The following SNX29 variants were observed in gnomAD, a reference collection of about 807,000 sequenced individuals.
The protein encoded by SNX29 is sorting nexin-29.
Under a neutral mutation model 102.1 loss-of-function variants are expected in SNX29, and 78 were observed. That is an observed-to-expected ratio of 0.76 (90% CI 0.64 to 0.92). The LOEUF (loss-of-function observed/expected upper bound fraction) is 0.92, where lower values mean the gene tolerates loss of function less well. SNX29 is among the 40% of genes least tolerant of loss of function. The pLI is 0.00. For missense variants in SNX29, 1,280 were observed against 1,061.7 expected (o/e 1.21, Z -2.86); for synonymous variants, 580 against 414.5 (o/e 1.40, Z -4.85).
Position 12,356,204 on chromosome 16 carries a change from C to T in SNX29, c.1824C>T (p.Arg608=), listed in dbSNP as rs1188318381. The T allele has an allele frequency of 6.2e-7, 1 of 1,613,428 alleles. No homozygotes were observed. Among genetic ancestry groups the T allele is most frequent in the East Asian group, 2.2e-5 (1 of 44,846 alleles). Residue 608 remains arginine, a synonymous_variant, in exon 16 of 21, where the codon CGC becomes CGT. Coordinates refer to ENST00000566228, the MANE Select transcript of SNX29 (RefSeq NM_032167.5). ...MHGELIEFNE[R]LHRALVAKEA... ...GCGAGCTGATTGAGTTCAACGAGCG[C>T]CTGCACAGGGCCCTGGTAGCCAAGG...
chr16:12,542,645 T>C (rs975408805), intron 20 of SNX29, among the ~76,000 whole-genome samples: 8 of 152,216 alleles, frequency 5.3e-5, no homozygotes, highest in Non-Finnish European at 1.0e-4. Context: ...GTCTAACACT[T>C]AAACTTGTGT....
Position 12,030,125 on chromosome 16 carries a change from C to T in SNX29, c.247+2681C>T, listed in dbSNP as rs116684576. Among the ~76,000 whole-genome samples, 550 of 152,318 alleles carry T rather than the reference C, an allele frequency of 3.6e-3. 6 individuals carry two copies. The highest frequency in any genetic ancestry group is 0.013 in the African/African-American group (530 of 41,576). ...TCTGCGATGCCATAGCCTCTTGGCA[C>T]ACTTTCTTCTTCTTTTCTGATCCTT... On this transcript the variant is annotated intron_variant, in intron 4 of 20. Coordinates refer to ENST00000566228, the MANE Select transcript of SNX29 (RefSeq NM_032167.5).
At chr16:12,321,354 C>G (rs1021167317) in intron 15 of SNX29, among the ~76,000 whole-genome samples, 1 of 152,164 alleles carries the variant, frequency 6.6e-6, no homozygotes, top group Non-Finnish European at 1.5e-5. Context: ...AAACCCAGTC[C>G]GACCTAGCTA....
intron 14 of SNX29, among the ~76,000 whole-genome samples, chr16:12,268,942 C>G (rs141618458): frequency 1.5e-4 from 23 of 152,242 alleles, no homozygotes; most frequent in African/African-American, 5.5e-4. Flanking sequence ...CAGATACCCC[C>G]AAACAGATGT....
chr16:12,071,277 T>G (rs1177170660), intron 10 of SNX29, among the ~76,000 whole-genome samples: 2 of 152,236 alleles, frequency 1.3e-5, no homozygotes, highest in African/African-American at 4.8e-5. Flanking sequence ...TGCCTAGGTT[T>G]TCTTATAGGG....
intron 19 of SNX29, among the ~76,000 whole-genome samples, chr16:12,524,030 G>A (rs1238399786): frequency 1.3e-5 from 2 of 152,166 alleles, no homozygotes; most frequent in Non-Finnish European, 2.9e-5. Flanking sequence ...TTACAGGAAC[G>A]TGCCACTACG....
rs545369223 is a variant in SNX29, at chr16:12,326,353, G to C, written c.1783-29810G>C. Among the ~76,000 whole-genome samples the C allele has an allele frequency of 2.1e-5, 3 of 142,480 alleles. No individual in the cohort carries two copies. The Admixed American group carries it at 2.2e-4, about 11-fold the overall frequency. The allele number at this position is 142,480 out of a possible 152,430, so 93.5% of individuals were successfully genotyped here. A position where few individuals can be genotyped will look rare whatever the true frequency, so the allele number is the denominator to read the frequency against. On this transcript the variant is annotated intron_variant, in intron 15 of 20. Coordinates refer to ENST00000566228, the MANE Select transcript of SNX29 (RefSeq NM_032167.5). The stretch of plus-strand genomic sequence containing the variant: ...TCTTTTTTTTTTTTTCCCTGTCCAG[G>C]TGTGAGGGGCAGTCAGGTTGGGAGG...
chr16:12,400,542 C>T (rs550778921), intron 17 of SNX29, among the ~76,000 whole-genome samples: 14 of 152,278 alleles, frequency 9.2e-5, no homozygotes, highest in Non-Finnish European at 1.9e-4. Context: ...CTCAACTTGG[C>T]CAACTCTAAA....
At chr16:12,074,433 T>C (rs1474405682) in intron 10 of SNX29, among the ~76,000 whole-genome samples, 1 of 152,114 alleles carries the variant, frequency 6.6e-6, no homozygotes, top group Non-Finnish European at 1.5e-5. Flanking sequence ...TTATGAAGCT[T>C]AGTTTGGCTG....
At chr16:12,469,262 G>A (rs2151788429) in intron 18 of SNX29, among the ~76,000 whole-genome samples, 1 of 152,304 alleles carries the variant, frequency 6.6e-6, no homozygotes, top group South Asian at 2.1e-4. Flanking sequence ...CTTGGCATTT[G>A]GCTGCAATAA....
chr16:12,403,843 G>A (rs543662407), intron 18 of SNX29, among the ~76,000 whole-genome samples: 97 of 152,340 alleles, frequency 6.4e-4, no homozygotes, highest in Middle Eastern at 3.4e-3. Context: ...CCAGTGGTAG[G>A]TCGGGCCTTG....
Position 12,570,653 on chromosome 16 carries a change from C to T in SNX29, c.*2024C>T, listed in dbSNP as rs1237368046. On this transcript the variant is annotated 3_prime_UTR_variant, in exon 21 of 21. Transcript: ENST00000566228. ...AGGAACCTCCCCCATCTGTGACATT[C>T]CCTTGGGCCCAGGCTTATGACCTGC... 1.3e-5 allele frequency: 3 copies of T among 231,910 alleles called. No homozygotes were observed. Among genetic ancestry groups the T allele is most frequent in the Non-Finnish European group, 2.6e-5 (3 of 117,332 alleles). 14.4% of individuals were successfully genotyped at this position (231,910 alleles called of 1,614,324 possible).
At chr16:12,104,671 G>T (rs1238684736) in intron 11 of SNX29, among the ~76,000 whole-genome samples, 8 of 152,144 alleles carry the variant, frequency 5.3e-5, no homozygotes, top group Admixed American at 6.5e-5. Flanking sequence ...ATTAGCTGTG[G>T]GTTGGGGCCA....
intron 11 of SNX29, among the ~76,000 whole-genome samples, chr16:12,100,195 T>C (rs1029033080): frequency 7.9e-5 from 12 of 152,198 alleles, no homozygotes; most frequent in African/African-American, 2.4e-4. Context: ...AGGCCTGCTG[T>C]GTGTCAGGTG....
At chr16:12,562,845 A>G (rs1163775360) in intron 20 of SNX29, among the ~76,000 whole-genome samples, 4 of 152,162 alleles carry the variant, frequency 2.6e-5, no homozygotes, top group African/African-American at 9.7e-5. Context: ...CCCTATAGGC[A>G]ACCCGACAGC....
intron 20 of SNX29, among the ~76,000 whole-genome samples, chr16:12,551,719 A>T (rs2856784): frequency 6.6e-6 from 1 of 152,104 alleles, no homozygotes. Flanking sequence ...CCAACTTGTG[A>T]ATGGGGACAG....
intron 15 of SNX29, among the ~76,000 whole-genome samples, chr16:12,294,759 C>G (rs561654827): frequency 1.3e-5 from 2 of 152,312 alleles, no homozygotes; most frequent in African/African-American, 4.8e-5. Context: ...AGAACTAGAG[C>G]TGCCCTGGAC....
chr16:12,057,461 C>T (rs534983514), intron 8 of SNX29, among the ~76,000 whole-genome samples: 1 of 152,210 alleles, frequency 6.6e-6, no homozygotes, highest in Non-Finnish European at 1.5e-5. Context: ...GAGCTGGGAG[C>T]AGTTGATAGC....
chr16:12,071,668 C>A (rs1238742672), intron 10 of SNX29, among the ~76,000 whole-genome samples: 1 of 152,018 alleles, frequency 6.6e-6, no homozygotes, highest in Non-Finnish European at 1.5e-5. Context: ...TTTTTTGGTT[C>A]CATATGAACT....
Sources: allele counts gnomAD v4.1 joint callset (sites outside exome capture counted in the v4.1 genomes callset), GRCh38; gene constraint gnomAD v4.1.1; transcripts MANE v1.5; gene names NCBI Gene and HGNC (gene_info 2026-07-23, HGNC 2026-07-21).